MYO1D: variants seen among roughly 807,000 people sequenced by gnomAD.
MYO1D encodes unconventional myosin-Id.
Under a neutral mutation model 122.0 loss-of-function variants are expected in MYO1D, and 83 were observed. The observed-to-expected ratio is 0.68, with a 90% confidence interval of 0.57 to 0.82. MYO1D has a LOEUF of 0.82. Ranked by LOEUF, MYO1D falls within the 40% of genes least tolerant of loss-of-function variation. The probability of loss-of-function intolerance (pLI) is 0.00; values close to 1 mark genes in which losing one functional copy is unlikely to be tolerated. For synonymous variants in MYO1D, 464 were observed against 446.9 expected, an observed-to-expected ratio of 1.04 and a Z score of -0.48; for missense variants, 1,157 against 1,269.5, an observed-to-expected ratio of 0.91 and a Z score of 1.35.
chr17:32,617,385 T>G (rs1000314699), intron 20 of MYO1D, among the ~76,000 whole-genome samples: 1 of 152,112 alleles, frequency 6.6e-6, no homozygotes, highest in African/African-American at 2.4e-5. Context: ...AGTCTTTAAG[T>G]CTTCCCAGCT....
At chr17:32,823,367 A>G (rs2090692366) in intron 1 of MYO1D, among the ~76,000 whole-genome samples, 1 of 152,136 alleles carries the variant, frequency 6.6e-6, no homozygotes, top group African/African-American at 2.4e-5. Context: ...TTCATTTTAT[A>G]TACATATATA....
At chr17:32,502,238 G>C (rs1351551719) in intron 21 of MYO1D, among the ~76,000 whole-genome samples, 1 of 152,212 alleles carries the variant, frequency 6.6e-6, no homozygotes, top group Non-Finnish European at 1.5e-5. Flanking sequence ...AAGGAATAAA[G>C]TATTAGCACA....
At chr17:32,540,875 G>A (rs547023348) in intron 21 of MYO1D, among the ~76,000 whole-genome samples, 195 of 148,124 alleles carry the variant, frequency 1.3e-3, no homozygotes, top group African/African-American at 4.6e-3. Context: ...GTAGTGAGCC[G>A]AGATTGTGCC....
chr17:32,729,079 G>T (rs571429282), intron 14 of MYO1D, among the ~76,000 whole-genome samples: 1 of 152,184 alleles, frequency 6.6e-6, no homozygotes, highest in African/African-American at 2.4e-5. Context: ...CCTAAATTTG[G>T]CAAATTCAGA....
intron 20 of MYO1D, among the ~76,000 whole-genome samples, chr17:32,608,264 A>C (rs937581262): frequency 5.3e-5 from 8 of 152,246 alleles, no homozygotes; most frequent in African/African-American, 1.9e-4. Context: ...TTTAGAATCT[A>C]TAAAGAGCTC....
intron 16 of MYO1D, among the ~76,000 whole-genome samples, chr17:32,688,425 C>T (rs2089049009): frequency 6.6e-6 from 1 of 152,180 alleles, no homozygotes; most frequent in Admixed American, 6.5e-5. Flanking sequence ...GTTCCTGCTT[C>T]CCTTTGACTC....
chr17:32,784,968 A>G (rs1395637127), intron 1 of MYO1D, among the ~76,000 whole-genome samples: 1 of 152,152 alleles, frequency 6.6e-6, no homozygotes, highest in Non-Finnish European at 1.5e-5. Context: ...GGGAGTTTAC[A>G]TTTGAGGGAG....
At chr17:32,634,343 G>C (rs2150935949) in intron 20 of MYO1D, among the ~76,000 whole-genome samples, 1 of 152,306 alleles carries the variant, frequency 6.6e-6, no homozygotes, top group Middle Eastern at 3.4e-3. Flanking sequence ...ATCTCAACAA[G>C]GAGGGGCAAA....
chr17:32,827,625 T>A (rs1179929457), intron 1 of MYO1D, among the ~76,000 whole-genome samples: 1 of 152,226 alleles, frequency 6.6e-6, no homozygotes, highest in East Asian at 1.9e-4. Flanking sequence ...AATGTTTGTA[T>A]TTATTTCTCT....
intron 21 of MYO1D, among the ~76,000 whole-genome samples, chr17:32,599,019 G>T (rs553693670): frequency 6.6e-6 from 1 of 152,186 alleles, no homozygotes; most frequent in Non-Finnish European, 1.5e-5. Flanking sequence ...TGCTGATGGC[G>T]GGGGTGGCTG....
At chr17:32,874,010 C>T (rs1250948834) in intron 1 of MYO1D, among the ~76,000 whole-genome samples, 3 of 152,120 alleles carry the variant, frequency 2.0e-5, no homozygotes, top group Admixed American at 1.3e-4. Context: ...GCTTTCATGC[C>T]GCCAACCCCT....
At chr17:32,570,583 A>G (rs2087216027) in intron 21 of MYO1D, among the ~76,000 whole-genome samples, 1 of 152,112 alleles carries the variant, frequency 6.6e-6, no homozygotes, top group African/African-American at 2.4e-5. Flanking sequence ...CGATCTCCTG[A>G]CCTTGTGATC....
At chr17:32,567,840 C>T (rs958824817) in intron 21 of MYO1D, among the ~76,000 whole-genome samples, 1 of 152,132 alleles carries the variant, frequency 6.6e-6, no homozygotes, top group Non-Finnish European at 1.5e-5. Flanking sequence ...GTGGTGCTAA[C>T]GAGGCCACTG....
intron 1 of MYO1D, among the ~76,000 whole-genome samples, chr17:32,841,065 A>T (rs1253646734): frequency 6.6e-6 from 1 of 152,222 alleles, no homozygotes; most frequent in Non-Finnish European, 1.5e-5. Context: ...AATGTTCTAA[A>T]CATGTTCAAG....
At chr17:32,753,589 T>C (rs572927962) in intron 11 of MYO1D, among the ~76,000 whole-genome samples, 3 of 152,284 alleles carry the variant, frequency 2.0e-5, no homozygotes, top group East Asian at 1.9e-4. Flanking sequence ...ACTGATGTGG[T>C]ATGTACAGTT....
At chr17:32,712,955 TCA>T (rs1361681269) in intron 15 of MYO1D, among the ~76,000 whole-genome samples, 1 of 152,128 alleles carries the variant, frequency 6.6e-6, no homozygotes, top group Non-Finnish European at 1.5e-5. Flanking sequence ...TAGCCTACAC[TCA>T]CAGGAAGGGG....
intron 20 of MYO1D, among the ~76,000 whole-genome samples, chr17:32,625,607 T>C (rs1252072005): frequency 6.6e-6 from 1 of 151,950 alleles, no homozygotes; most frequent in Non-Finnish European, 1.5e-5. Flanking sequence ...TGGAGTGCAA[T>C]GGTGCGATCT....
intron 16 of MYO1D, among the ~76,000 whole-genome samples, chr17:32,690,466 C>T (rs956299145): frequency 6.6e-6 from 1 of 152,158 alleles, no homozygotes; most frequent in African/African-American, 2.4e-5. Flanking sequence ...TGAGCCACAG[C>T]ACCTGACCGA....
intron 20 of MYO1D, among the ~76,000 whole-genome samples, chr17:32,629,521 T>C (rs2087974421): frequency 6.6e-6 from 1 of 151,906 alleles, no homozygotes; most frequent in Admixed American, 6.6e-5. Context: ...GGTCATGAGG[T>C]CAGGAGTTTA....
Sources: allele counts gnomAD v4.1 joint callset (sites outside exome capture counted in the v4.1 genomes callset), GRCh38; gene constraint gnomAD v4.1.1; transcripts MANE v1.5; gene names NCBI Gene and HGNC (gene_info 2026-07-23, HGNC 2026-07-21).